SURF6: variants seen among roughly 807,000 people sequenced by gnomAD.
SURF6 encodes surfeit 6, also known as surfeit locus protein 6.
A neutral mutation model predicts 37.5 loss-of-function variants in SURF6; 28 were observed. The observed-to-expected ratio is 0.75, with a 90% CI of 0.55 to 1.02. SURF6 has a LOEUF of 1.02. Ranked by LOEUF, SURF6 falls within the 50% of genes least tolerant of loss-of-function variation. The probability of loss-of-function intolerance (pLI) is 0.00; values close to 1 mark genes in which losing one functional copy is unlikely to be tolerated. For synonymous variants in SURF6, 248 were observed against 210.9 expected (o/e 1.18, Z -1.52); for missense variants, 560 against 490.5 (o/e 1.14, Z -1.34).
chr9:133,335,052 C>T (rs2129929762), intron 1 of SURF6, among the ~76,000 whole-genome samples: 34 of 152,168 alleles, frequency 2.2e-4, no homozygotes, highest in African/African-American at 8.2e-4. Flanking sequence ...CTCCACTTCT[C>T]GAGTTCAAGC....
rs2129915448 is a variant in SURF6, at chr9:133,332,133, G to A, written c.822C>T (p.Leu274=). The change falls in exon 5 of 5, where the codon CTC becomes CTT. Residue 274 remains leucine, a synonymous_variant. Coordinates refer to ENST00000372022, the MANE Select transcript of SURF6 (RefSeq NM_006753.6). Reference sequence around the variant, plus strand: ...GGATCTTCACGCCCTCCGCCTTGTAGAGGAGGTTGGTCCACTTCATCTTCG... The same window carrying A: ...GGATCTTCACGCCCTCCGCCTTGTAAAGGAGGTTGGTCCACTTCATCTTCG... The part of the protein sequence containing the change: ...LEAKMKWTNL[L]YKAEGVKIRD... The A allele has an allele frequency of 3.1e-6, 5 of 1,610,768 alleles. No individual in the cohort carries two copies. The highest frequency in any genetic ancestry group is 2.2e-5 in the East Asian group (1 of 44,860).
intron 3 of SURF6, chr9:133,332,978 T>G: frequency 1.7e-6 from 1 of 595,326 alleles, no homozygotes; most frequent in Non-Finnish European, 3.0e-6. Context: ...AGCTTCCAAT[T>G]CCCGGGTGCT....
chr9:133,329,834 G>T lies in SURF6; in HGVS notation c.*2035C>A, dbSNP rs1265614029. On this transcript the variant is annotated 3_prime_UTR_variant, in exon 5 of 5. Transcript: ENST00000372022. ...CGCCTGGGTGGCTTGCCGCCCACAG[G>T]TATTTGGTAACTTCCCTTTCTCTTA... 1 of 152,208 alleles carries T rather than the reference G, an allele frequency of 6.6e-6. No homozygotes were observed. The highest frequency in any genetic ancestry group is 1.5e-5 in the Non-Finnish European group (1 of 68,048). 9.4% of individuals were successfully genotyped at this position (152,208 alleles called of 1,614,324 possible). A position where few individuals can be genotyped will look rare whatever the true frequency, so the allele number is the denominator to read the frequency against.
rs2129930659 is a variant in SURF6 at position 133,335,312 on chromosome 9, G to A, written c.95-711C>T. Among the ~76,000 whole-genome samples the A allele has an allele frequency of 1.2e-4, 16 of 130,298 alleles. No individual in the cohort carries two copies. The South Asian group carries it at 3.9e-3, about 32-fold the overall frequency. The allele number at this position is 130,298 out of a possible 152,430, so 85.5% of individuals were successfully genotyped here. On this transcript the variant is annotated intron_variant, in intron 1 of 4. Coordinates refer to ENST00000372022, the MANE Select transcript of SURF6 (RefSeq NM_006753.6). Reference sequence around the variant, plus strand: ...GTCTAAGTAAAGTAGGAGCTGAATCGTTTTAATGAAAAAAAAAAAAAATTT... The same window carrying A: ...GTCTAAGTAAAGTAGGAGCTGAATCATTTTAATGAAAAAAAAAAAAAATTT...
Position 133,332,364 on chromosome 9 carries a change from G to A in SURF6, c.607-16C>T, listed in dbSNP as rs202222727. The A allele has an allele frequency of 1.3e-6, 2 of 1,563,792 alleles. No homozygotes were observed. Among genetic ancestry groups the A allele is most frequent in the Non-Finnish European group, 8.6e-7 (1 of 1,158,042 alleles). On this transcript the variant is annotated splice_polypyrimidine_tract_variant and intron_variant, in intron 4 of 4. Coordinates refer to ENST00000372022, the MANE Select transcript of SURF6 (RefSeq NM_006753.6). ...TCACCTCCACCTGGGAGGAAGGTAT[G>A]ACATCAGCTCATGCCAGCCCTGCAC... is the stretch of plus-strand genomic sequence containing the variant.
chr9:133,334,530 G>T lies in SURF6; in HGVS notation c.166C>A (p.Arg56=). Residue 56 remains arginine, a synonymous_variant, in exon 2 of 5, where the codon CGG becomes AGG. Transcript: ENST00000372022. ...TCAGCAGCCTTCTCTTCTCGCTTCC[G>T]GAATTTCTTTTGTGTTTTCTTCCTT... The part of the protein sequence containing the change: ...KKRKKTQKKF[R]KREEKAAEHK... 1 of 1,613,894 alleles carries T rather than the reference G, an allele frequency of 6.2e-7. No individual in the cohort carries two copies. Among genetic ancestry groups the T allele is most frequent in the Non-Finnish European group, 8.5e-7 (1 of 1,180,034 alleles).
chr9:133,333,978 G>C (rs1280504174), intron 2 of SURF6, among the ~76,000 whole-genome samples, 172 bp from the exon 3 acceptor site: 1 of 152,156 alleles, frequency 6.6e-6, no homozygotes, highest in Non-Finnish European at 1.5e-5. Flanking sequence ...CTCCAGAACA[G>C]GTAACTCAGT....
intron 2 of SURF6, 75 bp downstream of exon 2, chr9:133,334,317 G>T: frequency 2.1e-6 from 3 of 1,408,368 alleles, no homozygotes; most frequent in Admixed American, 2.3e-5. Context: ...TTTTTCTTAA[G>T]AGCAAAGGGG....
chr9:133,336,183 A>C lies in SURF6; in HGVS notation c.-51T>G, dbSNP rs1369721619. The C allele has an allele frequency of 6.6e-7, 1 of 1,507,132 alleles. No homozygotes were observed. Among genetic ancestry groups the C allele is most frequent in the Non-Finnish European group, 9.1e-7 (1 of 1,101,186 alleles). The allele number at this position is 1,507,132 out of a possible 1,614,324, so 93.4% of individuals were successfully genotyped here. ...TCACACCTTCCCCGCTGCGCGTGCG[A>C]CTCTCACCACCTCCGCCGGAAACCA... On this transcript the variant is annotated 5_prime_UTR_variant, in exon 1 of 5. Transcript: ENST00000372022.
rs1405395570 is a variant in SURF6 at position 133,329,419 on chromosome 9, TCTG to T, written c.*2447_*2449del. The T allele has an allele frequency of 3.5e-6, 1 of 287,798 alleles. No homozygotes were observed. Among genetic ancestry groups the T allele is most frequent in the Non-Finnish European group, 7.2e-6 (1 of 139,504 alleles). 17.8% of individuals were successfully genotyped at this position (287,798 alleles called of 1,614,324 possible). A position where few individuals can be genotyped will look rare whatever the true frequency, so the allele number is the denominator to read the frequency against. On this transcript the variant is annotated 3_prime_UTR_variant, in exon 5 of 5. Coordinates refer to ENST00000372022, the MANE Select transcript of SURF6 (RefSeq NM_006753.6). ...GGGAAAGGGACACTCCCTTTCCCGG[TCTG>T]CTAAGTAGCGGGTGTTGTTCCTTGA...
In SURF6 at chr9:133,330,825, CAT is replaced by C. The variant is rs1835706716; in HGVS notation, c.*1042_*1043del. The C allele has an allele frequency of 2.0e-5, 3 of 152,192 alleles. No individual in the cohort carries two copies. In the South Asian group the frequency reaches 6.2e-4, roughly 32 times the overall value. The allele number at this position is 152,192 out of a possible 1,614,324, so 9.4% of individuals were successfully genotyped here. A position where few individuals can be genotyped will look rare whatever the true frequency, so the allele number is the denominator to read the frequency against. On this transcript the variant is annotated 3_prime_UTR_variant, in exon 5 of 5. Transcript: ENST00000372022. ...ACAAAGTAGGTGGTCAGTTTCCATC[CAT>C]GTTCCATATATGCATGGAAAGAGTA...
chr9:133,332,086 TGCAGCAGGC>T lies in SURF6; in HGVS notation c.860_868del (p.Arg287_Leu289del). 1 of 1,608,492 alleles carries T rather than the reference TGCAGCAGGC, an allele frequency of 6.2e-7. No individual in the cohort carries two copies. Among genetic ancestry groups the T allele is most frequent in the African/African-American group, 1.3e-5 (1 of 75,064 alleles). The stretch of plus-strand genomic sequence containing the variant: ...CTTCTCCTTGCGCTTCAGGGCCTCC[TGCAGCAGGC>T]GTTCGTCGTCACGGATCTTCACGCC... On this transcript the variant is annotated inframe_deletion, in exon 5 of 5. Coordinates refer to ENST00000372022, the MANE Select transcript of SURF6 (RefSeq NM_006753.6).
Position 133,332,100 on chromosome 9 carries a change from G to A in SURF6, c.855C>T (p.Asp285=), listed in dbSNP as rs1163919726. The change falls in exon 5 of 5, where the codon GAC becomes GAT. Residue 285 remains aspartate (D), a synonymous_variant. Coordinates refer to ENST00000372022, the MANE Select transcript of SURF6 (RefSeq NM_006753.6). ...YKAEGVKIRD[D]ERLLQEALKR... Reference sequence around the variant, plus strand: ...TCAGGGCCTCCTGCAGCAGGCGTTCGTCGTCACGGATCTTCACGCCCTCCG... The same window carrying A: ...TCAGGGCCTCCTGCAGCAGGCGTTCATCGTCACGGATCTTCACGCCCTCCG... The A allele has an allele frequency of 2.5e-6, 4 of 1,609,214 alleles. No individual in the cohort carries two copies. The highest frequency in any genetic ancestry group is 1.7e-5 in the Admixed American group (1 of 60,004).
Position 133,336,038 on chromosome 9 carries a change from C to T in SURF6, c.94+1G>A, listed in dbSNP as rs1486499966. ...AGTCCCGGCCCGGCCCTGTGCGTTA[C>T]CCCGCGTGCGCGCCTGCTGTTCCGG... is the stretch of plus-strand genomic sequence containing the variant. On this transcript the variant is annotated splice_donor_variant, in intron 1 of 4. Coordinates refer to ENST00000372022, the MANE Select transcript of SURF6 (RefSeq NM_006753.6). LOFTEE classifies it high-confidence loss of function. 1.2e-6 allele frequency: 2 copies of T among 1,610,114 alleles called. No individual in the cohort carries two copies. The highest frequency in any genetic ancestry group is 1.7e-5 in the Admixed American group (1 of 59,978).
chr9:133,333,640 CG>C, intron 3 of SURF6, 77 bp downstream of exon 3: 1 of 1,344,260 alleles, frequency 7.4e-7, no homozygotes, highest in Non-Finnish European at 1.1e-6. Context: ...ACAGGGGCTA[CG>C]GCCCCTCGCT....
intron 1 of SURF6, 43 bp from the exon 2 acceptor site, chr9:133,334,644 C>A: frequency 6.3e-7 from 1 of 1,593,598 alleles, no homozygotes; most frequent in Non-Finnish European, 8.5e-7. Flanking sequence ...AATCTCATGG[C>A]CCATTCAATA....
At chr9:133,333,347 G>A (rs1460724059) in intron 3 of SURF6, among the ~76,000 whole-genome samples, 1 of 152,158 alleles carries the variant, frequency 6.6e-6, no homozygotes, top group African/African-American at 2.4e-5. Context: ...GAAAAGGGTG[G>A]GTAGGGGCCA....
chr9:133,329,407 TC>T lies in SURF6; in HGVS notation c.*2461del. ...TAAACTCCTCCAGGGAAAGGGACAC[TC>T]CCTTTCCCGGTCTGCTAAGTAGCGG... On this transcript the variant is annotated 3_prime_UTR_variant, in exon 5 of 5. Transcript: ENST00000372022. 3.6e-6 allele frequency: 1 copy of T among 280,302 alleles called. No homozygotes were observed. 17.4% of individuals were successfully genotyped at this position (280,302 alleles called of 1,614,324 possible).
chr9:133,332,820 G>A, intron 3 of SURF6, 60 bp from the exon 4 acceptor site: 3 of 1,541,264 alleles, frequency 1.9e-6, no homozygotes, highest in Non-Finnish European at 2.7e-6. Context: ...CCCCAGCCTG[G>A]CCCATAGTCG....
Sources: gnomAD v4.1 joint callset for allele counts (sites outside exome capture counted in the v4.1 genomes callset) on GRCh38, gnomAD v4.1.1 for gene constraint, MANE v1.5 for transcripts, NCBI Gene and HGNC (gene_info 2026-07-23, HGNC 2026-07-21) for gene names.